The following INTU variants were observed in gnomAD, a reference collection of about 807,000 sequenced individuals.
INTU encodes protein inturned.
A neutral mutation model predicts 100.5 loss-of-function variants in INTU; 68 were observed. The observed-to-expected ratio is 0.68, with a 90% CI of 0.56 to 0.83. The LOEUF is 0.83. Among genes scored for constraint, INTU ranks in the 40% least tolerant of loss-of-function variants. INTU has a pLI of 0.00. For missense variants in INTU, 1,071 were observed against 1,114.7 expected, an observed-to-expected ratio of 0.96 and a Z score of 0.56; for synonymous variants, 357 against 395.7, an observed-to-expected ratio of 0.90 and a Z score of 1.16.
chr4:127,637,370 G>A (rs1399011063), intron 1 of INTU, among the ~76,000 whole-genome samples: 1 of 152,150 alleles, frequency 6.6e-6, no homozygotes, highest in African/African-American at 2.4e-5. Context: ...TTAAATTTTA[G>A]ATCTGTCCCA....
intron 9 of INTU, among the ~76,000 whole-genome samples, chr4:127,700,585 A>G (rs998905964): frequency 3.3e-5 from 5 of 152,198 alleles, no homozygotes; most frequent in Non-Finnish European, 7.4e-5. Context: ...AATGCACAAG[A>G]TAAGTCTGAG....
At chr4:127,656,764 T>C in intron 3 of INTU, 43 bp downstream of exon 3, 1 of 1,172,634 alleles carries the variant, frequency 8.5e-7, no homozygotes. Flanking sequence ...TTACATAAAA[T>C]AAATATATAA....
rs527650901 is a variant in INTU, at chr4:127,663,658, G to A, written c.972+74G>A. 2.4e-5 allele frequency: 27 copies of A among 1,114,884 alleles called. No homozygotes were observed. The Admixed American group carries it at 2.9e-4, about 12-fold the overall frequency. 69.1% of individuals were successfully genotyped at this position (1,114,884 alleles called of 1,614,324 possible). ...AAGGAAAAAGTAAGGACCTTTTATC[G>A]TATTCCCAGTGAATAGTGAGTATAT... On this transcript the variant is annotated intron_variant, in intron 4 of 15. Transcript: ENST00000335251.
Position 127,688,361 on chromosome 4 carries a change from G to A in INTU, c.1449+494G>A, listed in dbSNP as rs554680475. On this transcript the variant is annotated intron_variant, in intron 8 of 15. Transcript: ENST00000335251. The stretch of plus-strand genomic sequence containing the variant: ...CATACCAATAGTAAAACTGTATGAC[G>A]GTTAAGAATTATCAATATGATTTTA... 5.9e-5 allele frequency among the ~76,000 whole-genome samples: 9 copies of A among 152,190 alleles called. No individual in the cohort carries two copies. The East Asian group carries it at 1.2e-3, about 20-fold the overall frequency.
At chr4:127,704,157 A>G (rs1730770949) in intron 9 of INTU, 71 bp from the exon 10 acceptor site, 1 of 1,266,368 alleles carries the variant, frequency 7.9e-7, no homozygotes, top group East Asian at 2.4e-5. Context: ...CATTTTAACT[A>G]TTATAGCTTA....
intron 9 of INTU, among the ~76,000 whole-genome samples, chr4:127,703,351 C>T (rs1005526748): frequency 3.3e-5 from 5 of 152,078 alleles, no homozygotes; most frequent in African/African-American, 1.2e-4. Context: ...AAGCTCCAAG[C>T]ATGGTTATTA....
In INTU at chr4:127,706,899, C is replaced by T. The variant is rs370165526; in HGVS notation, c.2201C>T (p.Pro734Leu). 1.7e-5 allele frequency: 28 copies of T among 1,613,910 alleles called. No individual in the cohort carries two copies. In the East Asian group the frequency reaches 2.0e-4, roughly 12 times the overall value. Residue 734 changes from proline (P) to leucine (L), a missense_variant, in exon 12 of 16, where the codon CCG (proline) becomes CTG (leucine). By Grantham distance (98) the Pro-to-Leu change is moderately conservative (BLOSUM62 -3). Coordinates refer to ENST00000335251, the MANE Select transcript of INTU (RefSeq NM_015693.4). ...EDDGFSPHTT[P>L]DAVRKQRESQ... ...GATGGCTTTAGCCCCCATACTACAC[C>T]GGATGCAGTACGGAAGCAAAGAGAA... is the stretch of plus-strand genomic sequence containing the variant.
intron 12 of INTU, among the ~76,000 whole-genome samples, chr4:127,707,637 GTGTGTCTGTGTGTGTGTGTGTGTA>G (rs1730942633): frequency 6.6e-6 from 1 of 151,718 alleles, no homozygotes. Flanking sequence ...GTGTGTATTT[GTGTGTCTGTGTGTGTGTGTGTGTA>G]TGTCTCTGTG....
intron 1 of INTU, among the ~76,000 whole-genome samples, chr4:127,636,613 C>CAA (rs770388771): frequency 0.033 from 2,836 of 85,456 alleles, 106 homozygotes; most frequent in African/African-American, 0.1. Context: ...CACACCATCT[C>CAA]AAAAAAAAAA....
At chr4:127,637,235 G>A (rs1292011004) in intron 1 of INTU, among the ~76,000 whole-genome samples, 2 of 152,148 alleles carry the variant, frequency 1.3e-5, no homozygotes, top group African/African-American at 2.4e-5. Flanking sequence ...GATTTCTCCT[G>A]TCTGTGGTCT....
chr4:127,636,777 G>A (rs1015570202), intron 1 of INTU, among the ~76,000 whole-genome samples: 3 of 152,096 alleles, frequency 2.0e-5, no homozygotes, highest in Non-Finnish European at 2.9e-5. Context: ...GAACATACTA[G>A]TTGTGAAGAA....
chr4:127,644,012 T>C lies in INTU; in HGVS notation c.638T>C (p.Leu213Pro), dbSNP rs750669579. ...GGAGAGAGGCTTGTGGTTCATGGCC[T>C]GCTGCCAGGGGGATCTGCTATGAAG... Reference protein sequence around the residue: ...GDGERLVVHGLLPGGSAMKSG... With the variant: ...GDGERLVVHGPLPGGSAMKSG... Residue 213 changes from leucine to proline, a missense_variant, in exon 2 of 16, where the codon CTG (leucine) becomes CCG (proline). Coordinates refer to ENST00000335251, the MANE Select transcript of INTU (RefSeq NM_015693.4). The C allele has an allele frequency of 6.2e-7, 1 of 1,614,190 alleles. No individual in the cohort carries two copies. Among genetic ancestry groups the C allele is most frequent in the Non-Finnish European group, 8.5e-7 (1 of 1,179,994 alleles).
At chr4:127,656,282 C>T (rs1456052891) in intron 2 of INTU, among the ~76,000 whole-genome samples, 1 of 152,162 alleles carries the variant, frequency 6.6e-6, no homozygotes, top group Non-Finnish European at 1.5e-5. Flanking sequence ...TGGTTAGATT[C>T]AGTTTTGTCA....
intron 9 of INTU, among the ~76,000 whole-genome samples, chr4:127,703,385 C>T (rs1380404461): frequency 6.6e-6 from 1 of 152,180 alleles, no homozygotes; most frequent in Non-Finnish European, 1.5e-5. Flanking sequence ...TCGCTTATCC[C>T]TTTCTCTCAC....
At chr4:127,675,249 A>G (rs577005526) in intron 6 of INTU, among the ~76,000 whole-genome samples, 46 of 152,332 alleles carry the variant, frequency 3.0e-4, no homozygotes, top group Admixed American at 5.9e-4. Context: ...TCAAATATCA[A>G]AATAAATACT....
At position 127,718,382 on chromosome 4, in the gene INTU, G is replaced by T. The variant is rs561862670; in HGVS notation, c.*1946G>T. On this transcript the variant is annotated 3_prime_UTR_variant, in exon 16 of 16. Transcript: ENST00000335251. ...CCAGTACCATGATGTTTTGGTTATTGTACCCTTACAGTACAGTTTGAAGTT... is the reference window on the plus strand; with the variant it reads ...CCAGTACCATGATGTTTTGGTTATTTTACCCTTACAGTACAGTTTGAAGTT... 1 of 152,170 alleles carries T rather than the reference G, an allele frequency of 6.6e-6. No individual in the cohort carries two copies. Among genetic ancestry groups the T allele is most frequent in the East Asian group, 1.9e-4 (1 of 5,184 alleles). The allele number at this position is 152,170 out of a possible 1,614,324, so 9.4% of individuals were successfully genotyped here.
At chr4:127,633,201 C>G in intron 1 of INTU, 21 bp downstream of exon 1, 1 of 1,608,236 alleles carries the variant, frequency 6.2e-7, no homozygotes, top group South Asian at 1.1e-5. Context: ...CAAAGAGGGA[C>G]AATTAATCCC....
rs1728563895 is a variant in INTU at position 127,663,493 on chromosome 4, A to C, written c.881A>C (p.Glu294Ala). The change falls in exon 4 of 16, where the codon GAG becomes GCG. Residue 294 changes from glutamate to alanine, a missense_variant. Physicochemically the swap from Glu to Ala is moderately radical, Grantham distance 107. Transcript: ENST00000335251. ...TTAGTCAAGCTTCTCTGGGGAGAAG[A>C]GGTTGAAGGTATCCAGCAGAGTGGC... is the stretch of plus-strand genomic sequence containing the variant. Reference protein sequence around the residue: ...SDLVKLLWGEEVEGIQQSGLN... With the variant: ...SDLVKLLWGEAVEGIQQSGLN... 6.2e-7 allele frequency: 1 copy of C among 1,613,256 alleles called. No homozygotes were observed. The highest frequency in any genetic ancestry group is 1.7e-5 in the Admixed American group (1 of 59,916).
chr4:127,676,596 AAAAAG>A (rs1225058153), intron 6 of INTU, among the ~76,000 whole-genome samples: 1 of 149,178 alleles, frequency 6.7e-6, no homozygotes, highest in Non-Finnish European at 1.5e-5. Flanking sequence ...AAAAAAAAAA[AAAAAG>A]AGAGAGAGAG....
Sources: allele counts gnomAD v4.1 joint callset (sites outside exome capture counted in the v4.1 genomes callset), GRCh38; gene constraint gnomAD v4.1.1; transcripts MANE v1.5; gene names NCBI Gene and HGNC (gene_info 2026-07-23, HGNC 2026-07-21).